Variants in UBR3 observed in about 807,000 individuals in gnomAD.
The protein encoded by UBR3 is E3 ubiquitin-protein ligase UBR3.
In UBR3, 85 loss-of-function variants were observed where a neutral mutation model predicts 243.2. The observed-to-expected ratio is 0.35, with a 90% CI of 0.29 to 0.42. The LOEUF (loss-of-function observed/expected upper bound fraction) is 0.42. Among genes scored for constraint, UBR3 ranks in the 10% least tolerant of loss-of-function variants. UBR3 has a pLI of 1.00. For missense variants in UBR3, 1,686 were observed against 2,300.8 expected (o/e 0.73, Z 5.47); for synonymous variants, 748 against 799.8 (o/e 0.94, Z 1.09).
intron 24 of UBR3, among the ~76,000 whole-genome samples, chr2:169,972,422 G>A (rs1366490754): frequency 1.3e-5 from 2 of 152,110 alleles, no homozygotes; most frequent in Non-Finnish European, 2.9e-5. Context: ...TATGAGGCCA[G>A]CATCATTCTG....
chr2:169,889,309 A>G (rs1339389893), intron 5 of UBR3, among the ~76,000 whole-genome samples: 8 of 152,204 alleles, frequency 5.3e-5, no homozygotes, highest in Admixed American at 5.2e-4. Flanking sequence ...CAGGAAATTT[A>G]TAAAACTTCA....
At chr2:170,075,413 G>A (rs1371492190) in intron 36 of UBR3, among the ~76,000 whole-genome samples, 1 of 152,116 alleles carries the variant, frequency 6.6e-6, no homozygotes, top group Admixed American at 6.5e-5. Context: ...CCCAGAGTTT[G>A]TCTTCATATG....
Position 169,893,023 on chromosome 2 carries a change from TGTTAA to T in UBR3, c.1105+1793_1105+1797del, listed in dbSNP as rs1207878137. 3.3e-5 allele frequency among the ~76,000 whole-genome samples: 5 copies of T among 152,360 alleles called. No homozygotes were observed. The South Asian group carries it at 8.3e-4, about 25-fold the overall frequency. On this transcript the variant is annotated intron_variant, in intron 6 of 38. Transcript: ENST00000272793. The stretch of plus-strand genomic sequence containing the variant: ...ATTTGACTTAAGGTAGTTTACACAT[TGTTAA>T]AAGTCATGTCAAGATTTAAAGATAG...
chr2:169,925,153 G>A (rs897526689), intron 13 of UBR3, among the ~76,000 whole-genome samples: 4 of 152,324 alleles, frequency 2.6e-5, no homozygotes, highest in East Asian at 1.9e-4. Context: ...TGGAAAATTA[G>A]CAGTATAGAT....
rs1296984006 is a variant in UBR3 at position 169,942,504 on chromosome 2, G to A, written c.2675G>A (p.Ser892Asn). 19 of 1,546,902 alleles carry A rather than the reference G, an allele frequency of 1.2e-5. No homozygotes were observed. Among genetic ancestry groups the A allele is most frequent in the Non-Finnish European group, 1.7e-5 (19 of 1,146,020 alleles). Residue 892 changes from serine to asparagine, a missense_variant, in exon 20 of 39, where the codon AGT (serine) becomes AAT (asparagine). By Grantham distance (46) the Ser-to-Asn change is conservative (BLOSUM62 1). Coordinates refer to ENST00000272793, the MANE Select transcript of UBR3 (RefSeq NM_172070.4). The part of the protein sequence containing the change: ...MDRYTAFLKQ[S>N]GKFPGNPWPP... The stretch of plus-strand genomic sequence containing the variant: ...TTTTATTTTTACAGTTTAAAACAGA[G>A]TGGAAAATTTCCTGGAAATCCCTGG...
chr2:169,854,974 G>A (rs1207479417), intron 1 of UBR3, among the ~76,000 whole-genome samples: 2 of 152,072 alleles, frequency 1.3e-5, no homozygotes, highest in Non-Finnish European at 2.9e-5. Context: ...TTTTAGGACC[G>A]TGCAGCCTGG....
At chr2:169,901,900 A>T (rs898914955) in intron 8 of UBR3, among the ~76,000 whole-genome samples, 1 of 152,232 alleles carries the variant, frequency 6.6e-6, no homozygotes, top group African/African-American at 2.4e-5. Context: ...ATGTCTGTAG[A>T]TGCTCATAAT....
At chr2:170,004,297 GTGA>G (rs1245086582) in intron 27 of UBR3, among the ~76,000 whole-genome samples, 9 of 152,174 alleles carry the variant, frequency 5.9e-5, no homozygotes, top group Non-Finnish European at 1.3e-4. Flanking sequence ...AACGTGATAG[GTGA>G]TGATGACACT....
intron 33 of UBR3, among the ~76,000 whole-genome samples, chr2:170,057,434 T>C (rs1178055546): frequency 1.3e-5 from 2 of 152,200 alleles, no homozygotes; most frequent in Non-Finnish European, 2.9e-5. Flanking sequence ...TTCCTAAATA[T>C]TCTTTTAATT....
At chr2:169,938,131 C>A (rs942383856) in intron 19 of UBR3, among the ~76,000 whole-genome samples, 2 of 152,152 alleles carry the variant, frequency 1.3e-5, no homozygotes, top group African/African-American at 4.8e-5. Flanking sequence ...TGCCTTCCCA[C>A]CTCCATTTAT....
In UBR3 at chr2:169,875,806, C is replaced by T; in HGVS notation, c.701C>T (p.Ser234Leu). 1 of 1,525,246 alleles carries T rather than the reference C, an allele frequency of 6.6e-7. No individual in the cohort carries two copies. Among genetic ancestry groups the T allele is most frequent in the Non-Finnish European group, 8.8e-7 (1 of 1,138,864 alleles). The allele number at this position is 1,525,246 out of a possible 1,614,324, so 94.5% of individuals were successfully genotyped here. The change falls in exon 3 of 39, where the codon TCA becomes TTA. Residue 234 changes from serine (S) to leucine (L), a missense_variant. Ser to Leu is a moderately radical substitution (Grantham distance 145). This residue lies in a region of UBR3 where 200 missense variants were observed against 231.6 expected (regional missense o/e 0.86). Coordinates refer to ENST00000272793, the MANE Select transcript of UBR3 (RefSeq NM_172070.4). The stretch of plus-strand genomic sequence containing the variant: ...TTTCTTTTAGCAGCTGATGGACCAT[C>T]AGAAAAGGACCTTAACAAAGTCCTT... ...GYNEPAADGP[S>L]EKDLNKVLQL...
intron 30 of UBR3, among the ~76,000 whole-genome samples, chr2:170,027,514 T>G (rs1559199207): frequency 6.6e-6 from 1 of 151,742 alleles, no homozygotes; most frequent in Non-Finnish European, 1.5e-5. Flanking sequence ...GTGGTTTCAA[T>G]GCAAAACAGG....
At chr2:169,980,356 A>G (rs923162804) in intron 24 of UBR3, among the ~76,000 whole-genome samples, 2 of 152,226 alleles carry the variant, frequency 1.3e-5, no homozygotes, top group Admixed American at 6.5e-5. Flanking sequence ...GCATATGCAT[A>G]TGCATGAGTT....
At chr2:169,954,223 G>GTCTTCTCTTC (rs1553518746) in intron 23 of UBR3, among the ~76,000 whole-genome samples, 5 of 124,576 alleles carry the variant, frequency 4.0e-5, no homozygotes, top group African/African-American at 1.4e-4. Flanking sequence ...GTCTTGTCTT[G>GTCTTCTCTTC]TCTTCTCTTC....
intron 35 of UBR3, among the ~76,000 whole-genome samples, chr2:170,065,595 T>C (rs1559230940): frequency 6.6e-6 from 1 of 152,160 alleles, no homozygotes; most frequent in Non-Finnish European, 1.5e-5. Context: ...TTTTTAATCG[T>C]CCAAGTAAGT....
Position 169,983,875 on chromosome 2 carries a change from C to G in UBR3, c.3635-2770C>G, listed in dbSNP as rs539337983. ...TGGTAATTTAAGTAGTACTTTTGTT[C>G]TAAAAGGGCAAATGTGAATTTTATA... On this transcript the variant is annotated intron_variant, in intron 24 of 38. Coordinates refer to ENST00000272793, the MANE Select transcript of UBR3 (RefSeq NM_172070.4). 9.9e-5 allele frequency among the ~76,000 whole-genome samples: 15 copies of G among 152,108 alleles called. No homozygotes were observed. The East Asian group carries it at 2.7e-3, about 27-fold the overall frequency.
chr2:169,985,016 T>TAA (rs35605936), intron 24 of UBR3, among the ~76,000 whole-genome samples: 182 of 147,838 alleles, frequency 1.2e-3, no homozygotes, highest in Non-Finnish European at 1.5e-3. Context: ...CAAGACTTAT[T>TAA]AAAAAAAAAA....
chr2:169,827,967 C>A lies in UBR3; in HGVS notation c.460C>A (p.His154Asn). ...CGCCGAGTGCTTCCACCAGGGCGACCACACCGGACACGACTTCAACATGTT... is the reference window on the plus strand; with the variant it reads ...CGCCGAGTGCTTCCACCAGGGCGACAACACCGGACACGACTTCAACATGTT... ...LCAECFHQGD[H>N]TGHDFNMFRS... The change falls in exon 1 of 39, where the codon CAC (histidine) becomes AAC (asparagine). Residue 154 changes from histidine to asparagine, a missense_variant. Physicochemically the swap from His to Asn is moderately conservative, Grantham distance 68. Transcript: ENST00000272793. 6.8e-7 allele frequency: 1 copy of A among 1,466,496 alleles called. No homozygotes were observed. Among genetic ancestry groups the A allele is most frequent in the South Asian group, 1.3e-5 (1 of 77,350 alleles). The allele number at this position is 1,466,496 out of a possible 1,614,324, so 90.8% of individuals were successfully genotyped here.
At chr2:169,976,546 A>G (rs1311895655) in intron 24 of UBR3, among the ~76,000 whole-genome samples, 3 of 151,986 alleles carry the variant, frequency 2.0e-5, no homozygotes, top group Non-Finnish European at 2.9e-5. Flanking sequence ...TTGGTAGGCA[A>G]TTCTTTTCTT....
Sources: allele counts gnomAD v4.1 joint callset (sites outside exome capture counted in the v4.1 genomes callset), GRCh38; gene constraint gnomAD v4.1.1; regional missense constraint gnomAD v4.1.1; transcripts MANE v1.5; gene names NCBI Gene and HGNC (gene_info 2026-07-23, HGNC 2026-07-21).